TAFA2: variants seen among roughly 807,000 people sequenced by gnomAD.
The protein encoded by TAFA2 is chemokine-like protein TAFA-2.
Under a neutral mutation model 18.8 loss-of-function variants are expected in TAFA2, and 7 were observed. That is an observed-to-expected ratio of 0.37 (90% CI 0.21 to 0.70). The LOEUF (loss-of-function observed/expected upper bound fraction) is 0.70. Among genes scored for constraint, TAFA2 ranks in the 30% least tolerant of loss-of-function variants. TAFA2 has a pLI of 0.53. For missense variants in TAFA2, 122 were observed against 158.1 expected (o/e 0.77, Z 1.23); for synonymous variants, 60 against 54.2 (o/e 1.11, Z -0.47).
intron 1 of TAFA2, among the ~76,000 whole-genome samples, chr12:62,003,578 CTCCCAA>C (rs1880450314): frequency 6.6e-6 from 1 of 152,300 alleles, no homozygotes; most frequent in East Asian, 1.9e-4. Context: ...CAGCCTGGTA[CTCCCAA>C]TCCTTCATAT....
At chr12:62,160,617 T>C (rs2062400150) in intron 1 of TAFA2, among the ~76,000 whole-genome samples, 1 of 152,216 alleles carries the variant, frequency 6.6e-6, no homozygotes, top group African/African-American at 2.4e-5. Flanking sequence ...CAAAGTCATG[T>C]CATAACTTCA....
intron 1 of TAFA2, among the ~76,000 whole-genome samples, chr12:61,979,300 G>T (rs973461745): frequency 6.6e-6 from 1 of 152,118 alleles, no homozygotes; most frequent in Admixed American, 6.6e-5. Context: ...CAGTGGAATT[G>T]CTGAATGGCA....
chr12:61,874,694 C>T (rs1874767368), intron 1 of TAFA2, among the ~76,000 whole-genome samples: 1 of 152,064 alleles, frequency 6.6e-6, no homozygotes, highest in African/African-American at 2.4e-5. Context: ...TCTCCAGAAA[C>T]ACAATATTCC....
intron 1 of TAFA2, among the ~76,000 whole-genome samples, chr12:62,036,745 T>G (rs1271885539): frequency 6.6e-6 from 1 of 152,168 alleles, no homozygotes; most frequent in African/African-American, 2.4e-5. Context: ...AACACAAAAC[T>G]AGGAAATCAA....
chr12:62,185,494 T>G (rs897500869), intron 1 of TAFA2, among the ~76,000 whole-genome samples: 26 of 152,224 alleles, frequency 1.7e-4, no homozygotes, highest in Admixed American at 3.3e-4. Flanking sequence ...GCTACTGACT[T>G]GTCTGATAGC....
intron 1 of TAFA2, among the ~76,000 whole-genome samples, chr12:62,002,115 G>A (rs1436238828): frequency 6.6e-6 from 1 of 152,142 alleles, no homozygotes; most frequent in Non-Finnish European, 1.5e-5. Flanking sequence ...TGATAATATG[G>A]TGGGGAAGGT....
intron 1 of TAFA2, among the ~76,000 whole-genome samples, chr12:62,045,187 A>G (rs995064275): frequency 6.6e-6 from 1 of 152,160 alleles, no homozygotes; most frequent in Non-Finnish European, 1.5e-5. Flanking sequence ...AAAGAAATAT[A>G]AATCCATACA....
intron 1 of TAFA2, among the ~76,000 whole-genome samples, chr12:62,208,968 T>C (rs1230992267): frequency 1.3e-5 from 2 of 152,250 alleles, no homozygotes; most frequent in Non-Finnish European, 2.9e-5. Flanking sequence ...TTAATGTTTC[T>C]TCTAATCCTC....
chr12:61,771,022 A>G (rs574472100), intron 2 of TAFA2, among the ~76,000 whole-genome samples: 46 of 152,232 alleles, frequency 3.0e-4, no homozygotes, highest in African/African-American at 1.0e-3. Context: ...ATAAGGACAC[A>G]CATAAACTTA....
chr12:62,235,035 G>A (rs1318600954), intron 1 of TAFA2: 2 of 634,662 alleles, frequency 3.2e-6, no homozygotes, highest in African/African-American at 3.6e-5. Flanking sequence ...CCCAATATGA[G>A]ACATCACTGG....
intron 1 of TAFA2, among the ~76,000 whole-genome samples, chr12:62,153,873 C>G (rs751506777): frequency 7.3e-5 from 11 of 151,484 alleles, no homozygotes; most frequent in Non-Finnish European, 1.2e-4. Context: ...TTATATTGCC[C>G]AAGTTGGAGT....
chr12:62,143,497 T>C (rs993230624), intron 1 of TAFA2, among the ~76,000 whole-genome samples: 1 of 152,126 alleles, frequency 6.6e-6, no homozygotes, highest in Non-Finnish European at 1.5e-5. Flanking sequence ...ACTAAGAACT[T>C]TGTTTCATCT....
chr12:62,208,905 G>A (rs559328650), intron 1 of TAFA2, among the ~76,000 whole-genome samples: 18 of 152,298 alleles, frequency 1.2e-4, no homozygotes, highest in African/African-American at 4.3e-4. Flanking sequence ...AACACTACCA[G>A]CTCCAGGTTA....
At chr12:61,740,806 T>C (rs1003750367) in intron 4 of TAFA2, among the ~76,000 whole-genome samples, 4 of 151,560 alleles carry the variant, frequency 2.6e-5, no homozygotes, top group African/African-American at 9.7e-5. Context: ...TTATTGACTT[T>C]AGGCTAATCC....
intron 1 of TAFA2, among the ~76,000 whole-genome samples, chr12:62,223,965 AC>A (rs1180179616): frequency 6.6e-6 from 1 of 152,126 alleles, no homozygotes; most frequent in African/African-American, 2.4e-5. Context: ...GAAAGGAGGG[AC>A]TTGAATAGAT....
In TAFA2 at chr12:62,251,781, C is replaced by G. The variant is rs181565027; in HGVS notation, c.-130+6982G>C. ...ATTAGTTATTGCACACTGGCTGCCCCCTGAAGAGAGCATGAACTACACAGG... is the reference window on the plus strand; with the variant it reads ...ATTAGTTATTGCACACTGGCTGCCCGCTGAAGAGAGCATGAACTACACAGG... On this transcript the variant is annotated intron_variant, in intron 1 of 5. Transcript: ENST00000551619. 2.1e-3 allele frequency among the ~76,000 whole-genome samples: 314 copies of G among 152,238 alleles called. 5 individuals carry two copies. The highest frequency in any genetic ancestry group is 3.5e-3 in the Non-Finnish European group (241 of 68,014).
intron 1 of TAFA2, among the ~76,000 whole-genome samples, chr12:61,907,418 C>T (rs955482701): frequency 6.6e-6 from 1 of 152,200 alleles, no homozygotes; most frequent in East Asian, 1.9e-4. Flanking sequence ...GTCTTGGCAG[C>T]TTACATGTGG....
chr12:61,913,959 T>C (rs1343232418), intron 1 of TAFA2, among the ~76,000 whole-genome samples: 1 of 152,100 alleles, frequency 6.6e-6, no homozygotes, highest in African/African-American at 2.4e-5. Context: ...GAATATGAAT[T>C]TTTGGAAACG....
intron 4 of TAFA2, among the ~76,000 whole-genome samples, chr12:61,738,493 G>A (rs998765062): frequency 6.6e-6 from 1 of 152,028 alleles, no homozygotes; most frequent in East Asian, 1.9e-4. Flanking sequence ...GTCAGAAAAA[G>A]AAGAATTGTC....
Sources: gnomAD v4.1 joint callset for allele counts (sites outside exome capture counted in the v4.1 genomes callset) on GRCh38, gnomAD v4.1.1 for gene constraint, MANE v1.5 for transcripts, NCBI Gene and HGNC (gene_info 2026-07-23, HGNC 2026-07-21) for gene names.